The following CYP4X1 variants were observed in gnomAD, a reference collection of about 807,000 sequenced individuals.
The protein encoded by CYP4X1 is cytochrome P450 4X1.
Under a neutral mutation model 57.9 loss-of-function variants are expected in CYP4X1, and 44 were observed. The observed-to-expected ratio is 0.76, with a 90% CI of 0.60 to 0.98. The LOEUF (loss-of-function observed/expected upper bound fraction) is 0.98. Among genes scored for constraint, CYP4X1 ranks in the 50% least tolerant of loss-of-function variants. The pLI, the probability that CYP4X1 is intolerant of heterozygous loss-of-function variation, is 0.00. For synonymous variants in CYP4X1, 227 were observed against 228.6 expected (o/e 0.99, Z 0.06); for missense variants, 532 against 623.9 (o/e 0.85, Z 1.57).
chr1:46,997,476 T>C, the CYP4X1 span, among the ~76,000 whole-genome samples: 1 of 152,190 alleles, frequency 6.6e-6, no homozygotes, highest in African/African-American at 2.4e-5. Flanking sequence ...ATGCATGCAG[T>C]ATTTGATTTT....
At chr1:46,975,097 G>C in the CYP4X1 span, among the ~76,000 whole-genome samples, 6 of 152,240 alleles carry the variant, frequency 3.9e-5, no homozygotes, top group Middle Eastern at 6.8e-3. Context: ...ATTTTTAAGT[G>C]TATGATTGAG....
chr1:47,047,249 A>G (rs1644312984), intron 9 of CYP4X1, among the ~76,000 whole-genome samples: 1 of 152,206 alleles, frequency 6.6e-6, no homozygotes, highest in South Asian at 2.1e-4. Context: ...TCTTCGGAAC[A>G]ACACAGGTTT....
At chr1:47,015,600 T>A in the CYP4X1 span, among the ~76,000 whole-genome samples, 1 of 152,164 alleles carries the variant, frequency 6.6e-6, no homozygotes, top group African/African-American at 2.4e-5. Context: ...AATGAAGTGA[T>A]CACTTCCCAA....
At chr1:46,978,732 AC>A in the CYP4X1 span, among the ~76,000 whole-genome samples, 1 of 151,414 alleles carries the variant, frequency 6.6e-6, no homozygotes, top group Non-Finnish European at 1.5e-5. Context: ...GAAGTGAAGC[AC>A]CCCTTAGCAA....
At chr1:46,973,607 C>T in the CYP4X1 span, among the ~76,000 whole-genome samples, 4 of 151,942 alleles carry the variant, frequency 2.6e-5, no homozygotes, top group African/African-American at 9.7e-5. Flanking sequence ...AATTTAATAC[C>T]TTGATATTAT....
chr1:47,014,280 T>C, the CYP4X1 span, among the ~76,000 whole-genome samples: 583 of 152,336 alleles, frequency 3.8e-3, no homozygotes, highest in African/African-American at 0.013. Context: ...TGTGAAACTC[T>C]ACATCTGCCC....
the CYP4X1 span, among the ~76,000 whole-genome samples, chr1:47,006,750 A>G: frequency 6.6e-6 from 1 of 152,170 alleles, no homozygotes; most frequent in East Asian, 1.9e-4. Flanking sequence ...GTGCTTTTCC[A>G]ATGGTCTTAG....
chr1:47,011,139 G>T, the CYP4X1 span, among the ~76,000 whole-genome samples: 2 of 152,152 alleles, frequency 1.3e-5, no homozygotes, highest in Admixed American at 1.3e-4. Context: ...GAGGCATAAT[G>T]CTATCTGACT....
At chr1:46,979,188 C>G in the CYP4X1 span, among the ~76,000 whole-genome samples, 1 of 152,094 alleles carries the variant, frequency 6.6e-6, no homozygotes, top group Non-Finnish European at 1.5e-5. Context: ...AATCCAGGAG[C>G]TGGTTTTTTG....
chr1:47,048,703 A>G (rs1161835892), intron 10 of CYP4X1, 74 bp downstream of exon 10: 11 of 1,363,540 alleles, frequency 8.1e-6, no homozygotes, highest in Admixed American at 2.3e-5. Context: ...AGCTAAGCAC[A>G]GAAGTGGCTA....
chr1:46,961,654 G>A, the CYP4X1 span: 2,356 of 1,290,626 alleles, frequency 1.8e-3, 32 homozygotes, highest in African/African-American at 0.032. Context: ...GCTTATCAAG[G>A]TGCCTCCTCT....
the CYP4X1 span, among the ~76,000 whole-genome samples, chr1:46,981,246 A>G: frequency 6.6e-6 from 1 of 152,212 alleles, no homozygotes; most frequent in Non-Finnish European, 1.5e-5. Flanking sequence ...AACAAGGGCT[A>G]ATATCCAGAA....
the CYP4X1 span, among the ~76,000 whole-genome samples, chr1:47,007,382 A>G: frequency 6.6e-6 from 1 of 152,224 alleles, no homozygotes; most frequent in Non-Finnish European, 1.5e-5. Context: ...TGTTAGAAGG[A>G]AAACCAACAA....
chr1:47,045,716 CT>C (rs1251969820), intron 8 of CYP4X1, among the ~76,000 whole-genome samples: 18 of 152,300 alleles, frequency 1.2e-4, no homozygotes, highest in South Asian at 4.1e-4. Flanking sequence ...TGCCAAAGGG[CT>C]TGGTGGATAT....
At chr1:46,967,533 A>G in the CYP4X1 span, 1 of 209,406 alleles carries the variant, frequency 4.8e-6, no homozygotes, top group Non-Finnish European at 9.6e-6. Flanking sequence ...GAGAGAAAGA[A>G]GGGCAGACAA....
At chr1:46,996,679 T>C in the CYP4X1 span, among the ~76,000 whole-genome samples, 1 of 152,192 alleles carries the variant, frequency 6.6e-6, no homozygotes, top group Admixed American at 6.5e-5. Flanking sequence ...ACTAAATATC[T>C]TTCCAATTCA....
intron 4 of CYP4X1, among the ~76,000 whole-genome samples, chr1:47,033,825 A>G (rs1316816797): frequency 6.6e-6 from 1 of 152,196 alleles, no homozygotes; most frequent in Non-Finnish European, 1.5e-5. Flanking sequence ...CTGTGCCATT[A>G]CCCTCCAGAC....
chr1:47,014,244 G>A, the CYP4X1 span, among the ~76,000 whole-genome samples: 12 of 152,140 alleles, frequency 7.9e-5, no homozygotes, highest in Admixed American at 3.9e-4. Context: ...GTGTTATACT[G>A]TGTTGTGGTT....
rs114519235 is a variant in CYP4X1 at position 47,035,871 on chromosome 1, G to A, written c.558G>A (p.Ser186=). Residue 186 remains serine, a synonymous_variant, in exon 5 of 12, where the codon TCG becomes TCA. Transcript: ENST00000371901. The stretch of plus-strand genomic sequence containing the variant: ...TGGAGGTCTATGAGCACATCAACTC[G>A]ATGTCTCTGGATATAATCATGAAAT... ...TSVEVYEHIN[S]MSLDIIMKCA... is the part of the protein sequence containing the mutation. The A allele has an allele frequency of 1.0e-4, 169 of 1,613,652 alleles. 1 individual carries two copies. The East Asian group carries it at 2.5e-3, about 24-fold the overall frequency.
Sources: allele counts gnomAD v4.1 joint callset (sites outside exome capture counted in the v4.1 genomes callset), GRCh38; gene constraint gnomAD v4.1.1; transcripts MANE v1.5; gene names NCBI Gene and HGNC (gene_info 2026-07-23, HGNC 2026-07-21).